AGFG1: variants seen among roughly 807,000 people sequenced by gnomAD.
The protein encoded by AGFG1 is ArfGAP with FG repeats 1.
AGFG1 carries 10 observed loss-of-function variants against 60.6 expected under a neutral mutation model. The ratio of observed to expected loss-of-function variants is 0.16; its 90% confidence interval spans 0.10 to 0.28. The LOEUF is 0.28. Among genes scored for constraint, AGFG1 ranks in the 10% least tolerant of loss-of-function variants. AGFG1 has a pLI of 1.00. For synonymous variants in AGFG1, 247 were observed against 242.9 expected, an observed-to-expected ratio of 1.02 and a Z score of -0.16; for missense variants, 537 against 676.5, an observed-to-expected ratio of 0.79 and a Z score of 2.29.
At chr2:227,553,432 G>T (rs954806736) in intron 11 of AGFG1, among the ~76,000 whole-genome samples, 8 of 150,906 alleles carry the variant, frequency 5.3e-5, no homozygotes, top group Admixed American at 4.0e-4. Flanking sequence ...GGAGGTTGAG[G>T]CTGCAGTGAG....
intron 10 of AGFG1, 107 bp from the exon 11 acceptor site, chr2:227,551,850 TAC>T: frequency 7.5e-7 from 1 of 1,336,054 alleles, no homozygotes; most frequent in Non-Finnish European, 1.0e-6. Context: ...GCCTTTAATG[TAC>T]ATCTTAGTAT....
intron 10 of AGFG1, among the ~76,000 whole-genome samples, chr2:227,545,455 C>A (rs1307037252): frequency 1.3e-5 from 2 of 152,248 alleles, no homozygotes; most frequent in Admixed American, 1.3e-4. Flanking sequence ...CTCAAGCCTA[C>A]TTCTGTCAGT....
chr2:227,526,852 A>G (rs1692011095), intron 5 of AGFG1, among the ~76,000 whole-genome samples: 1 of 151,948 alleles, frequency 6.6e-6, no homozygotes, highest in Non-Finnish European at 1.5e-5. Context: ...CCCTAAAGAT[A>G]CTTTTTTGAT....
intron 2 of AGFG1, among the ~76,000 whole-genome samples, chr2:227,504,965 A>C (rs1559176985): frequency 6.6e-6 from 1 of 152,160 alleles, no homozygotes. Context: ...TGGTGTTTAG[A>C]TGTTGTGGAT....
chr2:227,479,227 C>A (rs1690383564), intron 1 of AGFG1, among the ~76,000 whole-genome samples: 1 of 152,196 alleles, frequency 6.6e-6, no homozygotes, highest in Non-Finnish European at 1.5e-5. Context: ...AAAACTCCAG[C>A]ATTCAGGTTG....
chr2:227,530,168 T>C (rs1263852174), intron 5 of AGFG1, among the ~76,000 whole-genome samples: 5 of 152,204 alleles, frequency 3.3e-5, no homozygotes, highest in Non-Finnish European at 7.4e-5. Context: ...TTTGTACTTT[T>C]TGAAATACGA....
chr2:227,548,238 A>G (rs1442502849), intron 10 of AGFG1, among the ~76,000 whole-genome samples: 1 of 152,160 alleles, frequency 6.6e-6, no homozygotes, highest in Non-Finnish European at 1.5e-5. Flanking sequence ...TTTGAGGGGG[A>G]TGAAAATATT....
intron 5 of AGFG1, among the ~76,000 whole-genome samples, chr2:227,526,539 CTT>C (rs777649930): frequency 4.0e-4 from 37 of 92,474 alleles, no homozygotes; most frequent in Middle Eastern, 9.3e-3. Context: ...TGCCCAGCCT[CTT>C]TTTTTTTTTT....
At chr2:227,474,345 T>G (rs1326053133) in intron 1 of AGFG1, among the ~76,000 whole-genome samples, 1 of 152,230 alleles carries the variant, frequency 6.6e-6, no homozygotes, top group Non-Finnish European at 1.5e-5. Flanking sequence ...AATACATATA[T>G]TTACACTTCC....
chr2:227,530,648 T>G (rs1485234991), intron 5 of AGFG1, among the ~76,000 whole-genome samples: 1 of 151,876 alleles, frequency 6.6e-6, no homozygotes, highest in Non-Finnish European at 1.5e-5. Context: ...TAAACCATTT[T>G]TGTATTATTA....
At chr2:227,484,929 C>T (rs918261825) in intron 1 of AGFG1, among the ~76,000 whole-genome samples, 2 of 151,712 alleles carry the variant, frequency 1.3e-5, no homozygotes, top group South Asian at 2.1e-4. Context: ...AGGCTGGTCT[C>T]GAACTCCTGA....
chr2:227,495,494 C>T (rs1690945875), intron 2 of AGFG1, among the ~76,000 whole-genome samples: 1 of 146,218 alleles, frequency 6.8e-6, no homozygotes, highest in South Asian at 2.2e-4. Flanking sequence ...TGCAGTAAGT[C>T]ATGATCATGC....
chr2:227,508,297 GA>G (rs1347632550), intron 2 of AGFG1: 4 of 192,426 alleles, frequency 2.1e-5, no homozygotes, highest in African/African-American at 9.3e-5. Context: ...CTAAATAATG[GA>G]TGAGTGTATT....
intron 4 of AGFG1, 146 bp downstream of exon 4, chr2:227,524,071 G>T: frequency 8.2e-6 from 7 of 850,326 alleles, no homozygotes; most frequent in Admixed American, 2.8e-5. Context: ...AGAAATTGTT[G>T]GTTAAGTGGT....
chr2:227,488,088 G>A (rs1225504215), intron 1 of AGFG1, among the ~76,000 whole-genome samples: 2 of 152,172 alleles, frequency 1.3e-5, no homozygotes, highest in Admixed American at 1.3e-4. Flanking sequence ...TGAGTGTACT[G>A]AGAGAGCTCA....
intron 1 of AGFG1, among the ~76,000 whole-genome samples, chr2:227,483,935 A>G (rs1004760540): frequency 1.3e-5 from 2 of 151,348 alleles, no homozygotes; most frequent in East Asian, 1.9e-4. Context: ...TTTTTATTAT[A>G]CTTTAAGTTT....
chr2:227,521,824 G>T (rs1019470848), intron 3 of AGFG1, among the ~76,000 whole-genome samples: 1 of 151,322 alleles, frequency 6.6e-6, no homozygotes, highest in African/African-American at 2.4e-5. Context: ...AAACTATAAC[G>T]CAAATACCTA....
intron 2 of AGFG1, among the ~76,000 whole-genome samples, chr2:227,516,727 C>T (rs528540626): frequency 1.3e-5 from 2 of 152,242 alleles, no homozygotes; most frequent in South Asian, 4.1e-4. Context: ...AGCCCATCTG[C>T]TTCATTTTAT....
intron 8 of AGFG1, among the ~76,000 whole-genome samples, chr2:227,535,494 A>G (rs955493473): frequency 2.0e-5 from 3 of 152,240 alleles, no homozygotes; most frequent in Non-Finnish European, 4.4e-5. Flanking sequence ...CATATTTACA[A>G]ATAAGCACAT....
Sources: gnomAD v4.1 joint callset for allele counts (sites outside exome capture counted in the v4.1 genomes callset) on GRCh38, gnomAD v4.1.1 for gene constraint, MANE v1.5 for transcripts, NCBI Gene and HGNC (gene_info 2026-07-23, HGNC 2026-07-21) for gene names.